CSTB: variants seen among roughly 807,000 people sequenced by gnomAD.
The protein encoded by CSTB is cystatin B, also known as cystatin-B.
CSTB carries 8 observed loss-of-function variants against 7.6 expected under a neutral mutation model. The ratio of observed to expected loss-of-function variants is 1.05; its 90% CI spans 0.62 to 1.89. CSTB has a LOEUF of 1.89. CSTB is among the 40% of genes most tolerant of loss of function. The pLI is 0.00. For missense variants in CSTB, 124 were observed against 126.4 expected (o/e 0.98, Z 0.09); for synonymous variants, 56 against 55.3 (o/e 1.01, Z -0.06).
chr21:43,775,796 C>G (rs2084006927), intron 1 of CSTB: 1 of 188,434 alleles, frequency 5.3e-6, no homozygotes, highest in Admixed American at 6.2e-5. Context: ...CCTTCCCACC[C>G]GCTTGCTATC....
Position 43,776,035 on chromosome 21 carries a change from T to A in CSTB, c.66+169A>T, listed in dbSNP as rs6371. The A allele has an allele frequency of 1.0e-3, 546 of 545,394 alleles. 3 individuals carry two copies. The African/African-American group carries it at 0.01, about 10-fold the overall frequency. The allele number at this position is 545,394 out of a possible 1,614,324, so 33.8% of individuals were successfully genotyped here. A position where few individuals can be genotyped will look rare whatever the true frequency, so the allele number is the denominator to read the frequency against. On this transcript the variant is annotated intron_variant, in intron 1 of 2. Coordinates refer to ENST00000291568, the MANE Select transcript of CSTB (RefSeq NM_000100.4). ...CGCCCCAGGCGCGGCCCCCCGCTGC[T>A]CACTCGCGCGCAGCGCCCGAGCGGA...
chr21:43,774,292 C>A lies in CSTB; in HGVS notation c.207G>T (p.Val69=). 2 of 1,614,226 alleles carry A rather than the reference C, an allele frequency of 1.2e-6. No individual in the cohort carries two copies. Among genetic ancestry groups the A allele is most frequent in the Non-Finnish European group, 1.7e-6 (2 of 1,180,046 alleles). Residue 69 remains valine (V), a synonymous_variant, in exon 3 of 3, where the codon GTG becomes GTT. Transcript: ENST00000291568. ...VGDEDFVHLR[V]FQSLPHENKP... ...TGTTTTCATGAGGGAGAGATTGGAA[C>A]ACTCGCAGGTGTACGAAGTCCTCGT...
chr21:43,774,357 C>T, intron 2 of CSTB, 27 bp from the exon 3 acceptor site: 1 of 1,614,018 alleles, frequency 6.2e-7, no homozygotes, highest in East Asian at 2.2e-5. Context: ...GTGAGCGAAG[C>T]CTCTGATCCC....
intron 1 of CSTB, chr21:43,775,313 G>C (rs551930734): frequency 1.0e-5 from 2 of 192,518 alleles, no homozygotes; most frequent in African/African-American, 2.4e-5. Flanking sequence ...CAGCGAGGCG[G>C]GCCTGGCCTG....
intron 1 of CSTB, 32 bp from the exon 2 acceptor site, chr21:43,774,791 A>C: frequency 7.8e-6 from 12 of 1,547,802 alleles, no homozygotes; most frequent in South Asian, 2.2e-5. Context: ...AGGATGTCTC[A>C]GTGGCTTCTT....
chr21:43,776,161 A>G (rs1329242483), intron 1 of CSTB, 43 bp downstream of exon 1: 5 of 1,500,128 alleles, frequency 3.3e-6, no homozygotes, highest in Non-Finnish European at 4.5e-6. Context: ...CCCTGAGGCT[A>G]AGGCAGGACT....
intron 1 of CSTB, chr21:43,775,043 CA>C (rs2084003569): frequency 4.4e-6 from 2 of 458,880 alleles, no homozygotes; most frequent in African/African-American, 2.0e-5. Flanking sequence ...AGCCAAATGG[CA>C]AAACCCCGTT....
intron 1 of CSTB, 119 bp downstream of exon 1, chr21:43,776,085 C>T (rs1601856677): frequency 4.2e-6 from 4 of 955,480 alleles, no homozygotes; most frequent in East Asian, 3.2e-5. Context: ...GGCCACAGCC[C>T]GGGCCAGCCC....
chr21:43,774,447 G>GTGAGGCAT, intron 2 of CSTB, 117 bp from the exon 3 acceptor site: 1 of 1,505,698 alleles, frequency 6.6e-7, no homozygotes, highest in Non-Finnish European at 9.2e-7. Context: ...TGCAGGGGAT[G>GTGAGGCAT]CCTCACATCC....
At chr21:43,774,635 C>G (rs1349266635) in intron 2 of CSTB, 23 bp downstream of exon 2, 1 of 1,586,216 alleles carries the variant, frequency 6.3e-7, no homozygotes, top group Non-Finnish European at 8.7e-7. Context: ...TCGGGGCAGG[C>G]CCTCCTGAGG....
chr21:43,774,596 T>C (rs1601856034), intron 2 of CSTB, 62 bp downstream of exon 2: 1 of 1,437,396 alleles, frequency 7.0e-7, no homozygotes, highest in Non-Finnish European at 9.8e-7. Flanking sequence ...AGCCCGGGCC[T>C]GCACAGGCGG....
rs9446 is a variant in CSTB, at chr21:43,774,109, T to G, written c.*93A>C. 1.3e-6 allele frequency: 2 copies of G among 1,562,290 alleles called. No individual in the cohort carries two copies. Among genetic ancestry groups the G allele is most frequent in the Non-Finnish European group, 1.8e-6 (2 of 1,134,034 alleles). On this transcript the variant is annotated 3_prime_UTR_variant, in exon 3 of 3. Transcript: ENST00000291568. ...CACCCCAAGGGGCACAGCCCGGAGATGAAGCTTATTTTAGGATCACAAGTG... is the reference window on the plus strand; with the variant it reads ...CACCCCAAGGGGCACAGCCCGGAGAGGAAGCTTATTTTAGGATCACAAGTG...
intron 1 of CSTB, chr21:43,775,579 C>A (rs1309670091): frequency 6.6e-6 from 1 of 152,468 alleles, no homozygotes; most frequent in East Asian, 1.9e-4. Context: ...TATGCAGATA[C>A]ACTTAAGTTT....
Position 43,774,091 on chromosome 21 carries a change from A to G in CSTB, c.*111T>C. The stretch of plus-strand genomic sequence containing the variant: ...GCAGAATCCTGCCCCTTCCACCCCA[A>G]GGGGCACAGCCCGGAGATGAAGCTT... On this transcript the variant is annotated 3_prime_UTR_variant, in exon 3 of 3. Transcript: ENST00000291568. 2.1e-6 allele frequency: 3 copies of G among 1,453,282 alleles called. No homozygotes were observed. The highest frequency in any genetic ancestry group is 4.5e-5 in the East Asian group (2 of 44,002). The allele number at this position is 1,453,282 out of a possible 1,614,324, so 90.0% of individuals were successfully genotyped here.
chr21:43,774,692 C>T lies in CSTB; in HGVS notation c.134G>A (p.Ser45Asn), dbSNP rs1569005696. The change falls in exon 2 of 3, where the codon AGC (serine) becomes AAC (asparagine). Residue 45 changes from serine (S) to asparagine (N), a missense_variant. By Grantham distance (46) the Ser-to-Asn change is conservative. Transcript: ENST00000291568. ...GTAGTTTGTCCCCGCGACCACCTGGCTCTTGAATGACACGGCCTTAAACAC... is the reference window on the plus strand; with the variant it reads ...GTAGTTTGTCCCCGCGACCACCTGGTTCTTGAATGACACGGCCTTAAACAC... ...FPVFKAVSFK[S>N]QVVAGTNYFI... 6.2e-7 allele frequency: 1 copy of T among 1,614,220 alleles called. No homozygotes were observed. The highest frequency in any genetic ancestry group is 8.5e-7 in the Non-Finnish European group (1 of 1,180,032).
At position 43,773,966 on chromosome 21, in the gene CSTB, A is replaced by AT. The variant is rs2083997626; in HGVS notation, c.*235dup. On this transcript the variant is annotated 3_prime_UTR_variant, in exon 3 of 3. Coordinates refer to ENST00000291568, the MANE Select transcript of CSTB (RefSeq NM_000100.4). ...GGCAATCTGTAAGGATTTTAAAAAT[A>AT]TATCTATTTTGAAAATATTCTGAAA... 1.8e-6 allele frequency: 1 copy of AT among 565,418 alleles called. No individual in the cohort carries two copies. The highest frequency in any genetic ancestry group is 3.1e-6 in the Non-Finnish European group (1 of 318,764). 35.0% of individuals were successfully genotyped at this position (565,418 alleles called of 1,614,324 possible).
At position 43,774,638 on chromosome 21, in the gene CSTB, T is replaced by C. The variant is rs781145714; in HGVS notation, c.168+20A>G. ...ACCAGCACCCGTTCGGGGCAGGCCC[T>C]CCTGAGGCCCACACTCTACCTTGAT... On this transcript the variant is annotated intron_variant, in intron 2 of 2. Coordinates refer to ENST00000291568, the MANE Select transcript of CSTB (RefSeq NM_000100.4). 3.1e-6 allele frequency: 5 copies of C among 1,603,678 alleles called. No homozygotes were observed. The highest frequency in any genetic ancestry group is 4.3e-6 in the Non-Finnish European group (5 of 1,170,578).
At position 43,774,209 on chromosome 21, in the gene CSTB, T is replaced by C. The variant is rs1186810947; in HGVS notation, c.290A>G (p.Tyr97Cys). Residue 97 changes from tyrosine to cysteine, a missense_variant, in exon 3 of 3, where the codon TAT becomes TGT. Coordinates refer to ENST00000291568, the MANE Select transcript of CSTB (RefSeq NM_000100.4). ...CCTTGTCCAAAGTCAGGATCAGAAATAGGTCAGCTCATCATGCTTGGCTTT... is the reference window on the plus strand; with the variant it reads ...CCTTGTCCAAAGTCAGGATCAGAAACAGGTCAGCTCATCATGCTTGGCTTT... ...TNKAKHDELT[Y>C]F 15 of 1,614,086 alleles carry C rather than the reference T, an allele frequency of 9.3e-6. No individual in the cohort carries two copies. Among genetic ancestry groups the C allele is most frequent in the Admixed American group, 3.3e-5 (2 of 60,008 alleles).
At position 43,774,345 on chromosome 21, in the gene CSTB, G is replaced by A. The variant is rs1253612092; in HGVS notation, c.169-15C>T. 6.2e-7 allele frequency: 1 copy of A among 1,614,108 alleles called. No individual in the cohort carries two copies. The highest frequency in any genetic ancestry group is 1.1e-5 in the South Asian group (1 of 91,078). ...CCGACGTGCACCTGGGAAGAGAGCG[G>A]AGTGAGCGAAGCCTCTGATCCCAAG... is the stretch of plus-strand genomic sequence containing the variant. On this transcript the variant is annotated splice_polypyrimidine_tract_variant and intron_variant, in intron 2 of 2. Transcript: ENST00000291568.
Sources: allele counts gnomAD v4.1 joint callset, GRCh38; gene constraint gnomAD v4.1.1; transcripts MANE v1.5; gene names NCBI Gene and HGNC (gene_info 2026-07-23, HGNC 2026-07-21).